ARHGAP21: variants seen among roughly 807,000 people sequenced by gnomAD.
ARHGAP21 encodes the protein Rho GTPase activating protein 21.
ARHGAP21 carries 38 observed loss-of-function variants against 164.6 expected under a neutral mutation model. The observed-to-expected ratio is 0.23, with a 90% CI of 0.18 to 0.30. The LOEUF is 0.30. ARHGAP21 is among the 10% of genes least tolerant of loss of function. The probability of loss-of-function intolerance (pLI) is 1.00; values close to 1 mark genes in which losing one functional copy is unlikely to be tolerated. For synonymous variants in ARHGAP21, 766 were observed against 857.9 expected (o/e 0.89, Z 1.87); for missense variants, 1,822 against 2,370.7 (o/e 0.77, Z 4.81).
chr10:24,683,829 T>C (rs901063513), intron 2 of ARHGAP21, among the ~76,000 whole-genome samples: 1 of 152,220 alleles, frequency 6.6e-6, no homozygotes, highest in Admixed American at 6.5e-5. Context: ...AAAGTTTCAA[T>C]TGTACTCCTC....
At chr10:24,688,681 C>T (rs564822637) in intron 2 of ARHGAP21, among the ~76,000 whole-genome samples, 3 of 152,206 alleles carry the variant, frequency 2.0e-5, no homozygotes, top group African/African-American at 7.2e-5. Flanking sequence ...ACGTGAATCA[C>T]CCATTTACTC....
At chr10:24,660,495 C>T (rs1839569053) in intron 4 of ARHGAP21, among the ~76,000 whole-genome samples, 1 of 148,062 alleles carries the variant, frequency 6.8e-6, no homozygotes, top group Admixed American at 6.7e-5. Context: ...GAAAGCAATT[C>T]TAAACATGCT....
intron 2 of ARHGAP21, among the ~76,000 whole-genome samples, chr10:24,697,392 T>C (rs1038392237): frequency 2.0e-5 from 3 of 152,156 alleles, no homozygotes; most frequent in African/African-American, 7.2e-5. Context: ...AGACACCTTT[T>C]GGTCTAGTAT....
chr10:24,625,062 G>GGGA (rs1299570087), intron 7 of ARHGAP21, among the ~76,000 whole-genome samples: 6 of 43,940 alleles, frequency 1.4e-4, no homozygotes, highest in African/African-American at 3.1e-4. Flanking sequence ...GGGGGGGGGG[G>GGGA]GGAGGAGGAG....
At position 24,711,344 on chromosome 10, in the gene ARHGAP21, G is replaced by A. The variant is rs576479873; in HGVS notation, c.63+10493C>T. The stretch of plus-strand genomic sequence containing the variant: ...AAAGTTCCCAGGGGAACCACTAAAC[G>A]AAAAGTTCATACCAAAAAAGAAAAA... On this transcript the variant is annotated intron_variant, in intron 2 of 25. Transcript: ENST00000396432. Among the ~76,000 whole-genome samples the A allele has an allele frequency of 1.3e-4, 19 of 150,136 alleles. No individual in the cohort carries two copies. The South Asian group carries it at 2.3e-3, about 18-fold the overall frequency.
intron 2 of ARHGAP21, among the ~76,000 whole-genome samples, chr10:24,718,485 A>G (rs573523249): frequency 3.3e-4 from 50 of 152,324 alleles, no homozygotes; most frequent in African/African-American, 1.2e-3. Flanking sequence ...GATAAAACCA[A>G]CAATGGGGCA....
intron 4 of ARHGAP21, among the ~76,000 whole-genome samples, chr10:24,658,232 G>T (rs1839282287): frequency 6.6e-6 from 1 of 152,182 alleles, no homozygotes; most frequent in Non-Finnish European, 1.5e-5. Flanking sequence ...TGGTGGGATT[G>T]TAAACTAGTT....
chr10:24,623,706 G>A (rs1834804778), intron 7 of ARHGAP21, among the ~76,000 whole-genome samples: 1 of 152,160 alleles, frequency 6.6e-6, no homozygotes, highest in South Asian at 2.1e-4. Context: ...GGAGGATGGG[G>A]GAGAGGAGGT....
At chr10:24,656,161 G>GT (rs1274821636) in intron 4 of ARHGAP21, among the ~76,000 whole-genome samples, 4 of 125,342 alleles carry the variant, frequency 3.2e-5, no homozygotes, top group East Asian at 2.6e-4. Flanking sequence ...CGGGAGGGAG[G>GT]TGGGGGGGGT....
At chr10:24,622,433 C>CATATATATATATATATATATAT (rs10530408) in intron 8 of ARHGAP21, among the ~76,000 whole-genome samples, 1 of 89,766 alleles carries the variant, frequency 1.1e-5, no homozygotes, top group African/African-American at 4.1e-5. Flanking sequence ...ACTTAAAAAA[C>CATATATATATATATATATATAT]ATATATATAT....
rs1045881668 is a variant in ARHGAP21 at position 24,709,469 on chromosome 10, G to A, written c.63+12368C>T. ...AACTGGAAAAGGGGGCGGGCACTGC[G>A]TCTCATGCCTGTAATCCCCGCACTT... On this transcript the variant is annotated intron_variant, in intron 2 of 25. Coordinates refer to ENST00000396432, the MANE Select transcript of ARHGAP21 (RefSeq NM_020824.4). Among the ~76,000 whole-genome samples, 6 of 152,242 alleles carry A rather than the reference G, an allele frequency of 3.9e-5. No homozygotes were observed. In the East Asian group the frequency reaches 7.7e-4, roughly 20 times the overall value.
intron 4 of ARHGAP21, among the ~76,000 whole-genome samples, chr10:24,650,434 G>T (rs1028928720): frequency 5.9e-5 from 9 of 152,160 alleles, no homozygotes; most frequent in Non-Finnish European, 1.3e-4. Flanking sequence ...CTTATATTTT[G>T]TAAGAGTAGA....
chr10:24,625,208 C>T (rs1241645230), intron 7 of ARHGAP21, among the ~76,000 whole-genome samples: 1 of 150,052 alleles, frequency 6.7e-6, no homozygotes, highest in African/African-American at 2.5e-5. Flanking sequence ...AACTAAATAA[C>T]CCTAAAATAA....
intron 7 of ARHGAP21, among the ~76,000 whole-genome samples, chr10:24,626,916 G>A (rs936301690): frequency 1.3e-5 from 2 of 152,054 alleles, no homozygotes; most frequent in Non-Finnish European, 2.9e-5. Context: ...GCCAAGCACA[G>A]GACTCCTATT....
intron 2 of ARHGAP21, among the ~76,000 whole-genome samples, chr10:24,676,715 A>AT (rs1565147561): frequency 6.6e-6 from 1 of 152,188 alleles, no homozygotes; most frequent in Non-Finnish European, 1.5e-5. Flanking sequence ...GGATTTGGAG[A>AT]TTTGGAGTCA....
At chr10:24,617,006 C>T (rs985560053) in intron 9 of ARHGAP21, among the ~76,000 whole-genome samples, 14 of 152,132 alleles carry the variant, frequency 9.2e-5, no homozygotes, top group Non-Finnish European at 1.3e-4. Context: ...TCAACTCCTG[C>T]GCTGCAGACT....
intron 4 of ARHGAP21, among the ~76,000 whole-genome samples, chr10:24,658,431 A>G (rs1839306155): frequency 1.3e-5 from 2 of 152,236 alleles, no homozygotes; most frequent in South Asian, 4.1e-4. Flanking sequence ...AACCAACCCA[A>G]CTGTCCATCA....
intron 17 of ARHGAP21, 176 bp from the exon 18 acceptor site, chr10:24,596,219 C>A: frequency 1.8e-6 from 1 of 549,264 alleles, no homozygotes; most frequent in Non-Finnish European, 3.0e-6. Flanking sequence ...ATATTTGAGA[C>A]AGTAAGAAGA....
chr10:24,657,098 C>T (rs1260886425), intron 4 of ARHGAP21, among the ~76,000 whole-genome samples: 2 of 47,702 alleles, frequency 4.2e-5, no homozygotes, highest in African/African-American at 1.9e-4. Context: ...CCCGGCCAGC[C>T]GCCCCGTCCG....
Sources: allele counts gnomAD v4.1 joint callset (sites outside exome capture counted in the v4.1 genomes callset), GRCh38; gene constraint gnomAD v4.1.1; transcripts MANE v1.5; gene names NCBI Gene and HGNC (gene_info 2026-07-23, HGNC 2026-07-21).